Variants in UPK1A observed in about 807,000 individuals in gnomAD.
UPK1A encodes the protein uroplakin 1A.
A neutral mutation model predicts 32.3 loss-of-function variants in UPK1A; 31 were observed. That is an observed-to-expected ratio of 0.96 (90% CI 0.72 to 1.30). UPK1A has a LOEUF of 1.30. Ranked by LOEUF, UPK1A falls within the 50% of genes most tolerant of loss-of-function variation. UPK1A has a pLI of 0.00. For missense variants in UPK1A, 340 were observed against 357.4 expected (o/e 0.95, Z 0.39); for synonymous variants, 135 against 137.1 (o/e 0.98, Z 0.11).
At chr19:35,677,252 G>C (rs180882347) in intron 6 of UPK1A, among the ~76,000 whole-genome samples, 9 of 151,352 alleles carry the variant, frequency 5.9e-5, no homozygotes, top group Admixed American at 2.6e-4. Flanking sequence ...GGCCGGGCGC[G>C]CACAGTGGCT....
rs1305308682 is a variant in UPK1A at position 35,668,527 on chromosome 19, G to A, written c.158G>A (p.Gly53Glu). ...CAGTACCGTGTATACCCACTGATGG[G>A]AGTCTCAGGCAAGGATGACGTCTTC... The change falls in exon 3 of 8, where the codon GGA becomes GAA. Residue 53 changes from glycine (G) to glutamate (E), a missense_variant. Transcript: ENST00000617999. 9.3e-6 allele frequency: 15 copies of A among 1,614,056 alleles called. No homozygotes were observed. The highest frequency in any genetic ancestry group is 1.7e-5 in the Admixed American group (1 of 59,976).
At chr19:35,677,312 G>A (rs4633853) in intron 6 of UPK1A, among the ~76,000 whole-genome samples, 12,334 of 151,520 alleles carry the variant, frequency 0.081, 579 homozygotes, top group South Asian at 0.19. Context: ...AGGATCACAA[G>A]ATCAGGAGTT....
chr19:35,673,657 C>T (rs1968138105), intron 5 of UPK1A, 112 bp downstream of exon 5: 7 of 881,964 alleles, frequency 7.9e-6, no homozygotes, highest in Non-Finnish European at 1.2e-5. Flanking sequence ...GACATCCGCT[C>T]ATGAGATCTC....
chr19:35,668,841 A>AT (rs1427169938), intron 3 of UPK1A, among the ~76,000 whole-genome samples, 187 bp downstream of exon 3: 3 of 138,860 alleles, frequency 2.2e-5, no homozygotes, highest in South Asian at 2.5e-4. Context: ...CAGAGCTGGG[A>AT]TTTTTTCTTT....
intron 5 of UPK1A, among the ~76,000 whole-genome samples, chr19:35,674,375 T>G (rs1303873380): frequency 6.7e-6 from 1 of 149,456 alleles, no homozygotes; most frequent in African/African-American, 2.5e-5. Context: ...GCCTCCCGAA[T>G]AGCTGGGACT....
chr19:35,667,184 A>G (rs143562593), intron 2 of UPK1A, among the ~76,000 whole-genome samples: 89 of 152,296 alleles, frequency 5.8e-4, no homozygotes, highest in African/African-American at 2.0e-3. Flanking sequence ...AAAGTGCCCG[A>G]CCAATGCTGG....
In UPK1A at chr19:35,677,956, CT is replaced by C. The variant is rs764191383; in HGVS notation, c.733-18del. On this transcript the variant is annotated intron_variant, in intron 7 of 7. Transcript: ENST00000617999. ...GGGGTGGGGGGCGGAGTGCCCTCATCTCGCTGCCTCCTCGCCAGCTCCCGGT... is the reference window on the plus strand; with the variant it reads ...GGGGTGGGGGGCGGAGTGCCCTCATCCGCTGCCTCCTCGCCAGCTCCCGGT... 6.3e-6 allele frequency: 10 copies of C among 1,591,482 alleles called. No homozygotes were observed. The highest frequency in any genetic ancestry group is 7.7e-6 in the Non-Finnish European group (9 of 1,170,094).
intron 5 of UPK1A, among the ~76,000 whole-genome samples, chr19:35,673,897 T>G (rs751486097): frequency 9.9e-5 from 15 of 152,160 alleles, no homozygotes; most frequent in Non-Finnish European, 1.8e-4. Context: ...GGTTTCACAC[T>G]GTTCAAAGGA....
intron 6 of UPK1A, among the ~76,000 whole-genome samples, chr19:35,676,625 G>A (rs371051121): frequency 3.3e-5 from 5 of 151,882 alleles, no homozygotes; most frequent in African/African-American, 4.8e-5. Flanking sequence ...AGGGCCGGGC[G>A]CGATGGCTCA....
chr19:35,673,613 A>G (rs761965203), intron 5 of UPK1A, 68 bp downstream of exon 5: 19 of 1,416,456 alleles, frequency 1.3e-5, no homozygotes, highest in African/African-American at 2.8e-5. Context: ...AGAGCTCCCG[A>G]TGTGCCAGCT....
chr19:35,669,336 C>G (rs556620145), intron 3 of UPK1A, among the ~76,000 whole-genome samples: 2 of 152,140 alleles, frequency 1.3e-5, no homozygotes, highest in African/African-American at 4.8e-5. Context: ...CCAAGTGTCT[C>G]TCATGCACCT....
At chr19:35,674,622 A>C (rs1968155002) in intron 5 of UPK1A, among the ~76,000 whole-genome samples, 1 of 152,138 alleles carries the variant, frequency 6.6e-6, no homozygotes, top group Non-Finnish European at 1.5e-5. Flanking sequence ...GACCAAAGCA[A>C]GAGGTTGAAT....
chr19:35,666,832 C>T (rs373513519), exon 2 of UPK1A: 19 of 1,614,000 alleles, frequency 1.2e-5, no homozygotes, highest in African/African-American at 6.7e-5. Context: ...GCGGCAGCAG[C>T]GGAGGCCGAG....
intron 6 of UPK1A, 73 bp from the exon 7 acceptor site, chr19:35,677,739 C>T (rs545043230): frequency 1.2e-5 from 19 of 1,568,982 alleles, no homozygotes; most frequent in East Asian, 4.5e-5. Context: ...TTCCCAAGGG[C>T]GCACAGTGAC....
chr19:35,669,883 C>A (rs533511913), intron 3 of UPK1A, among the ~76,000 whole-genome samples: 1 of 152,228 alleles, frequency 6.6e-6, no homozygotes, highest in Admixed American at 6.6e-5. Flanking sequence ...TTCAGATTCC[C>A]AGAAGCAGCC....
intron 6 of UPK1A, 157 bp downstream of exon 6, chr19:35,676,176 T>TTTCC: frequency 2.8e-6 from 2 of 718,074 alleles, no homozygotes; most frequent in Non-Finnish European, 4.2e-6. Flanking sequence ...TTTCTTTTTC[T>TTTCC]TTCTTTCTTT....
In UPK1A at chr19:35,673,048, T is replaced by C. The variant is rs148533260; in HGVS notation, c.286-184T>C. Reference sequence around the variant, plus strand: ...AAATAAATTAATTAAATTAAATATTTCAAAATACAGAAAAGTTGGAAGACA... The same window carrying C: ...AAATAAATTAATTAAATTAAATATTCCAAAATACAGAAAAGTTGGAAGACA... On this transcript the variant is annotated intron_variant, in intron 3 of 7. Coordinates refer to ENST00000617999, the Ensembl canonical transcript of UPK1A. 6.5e-3 allele frequency among the ~76,000 whole-genome samples: 990 copies of C among 152,308 alleles called. 10 individuals carry two copies. The highest frequency in any genetic ancestry group is 0.023 in the African/African-American group (947 of 41,562).
At chr19:35,673,202 C>A in intron 3 of UPK1A, 30 bp from the exon 4 acceptor site, 1 of 1,611,614 alleles carries the variant, frequency 6.2e-7, no homozygotes, top group East Asian at 2.2e-5. Flanking sequence ...GGGCTCTGCC[C>A]GACGGGCCGT....
At chr19:35,670,351 C>T (rs1968067271) in intron 3 of UPK1A, among the ~76,000 whole-genome samples, 1 of 151,402 alleles carries the variant, frequency 6.6e-6, no homozygotes, top group Admixed American at 6.6e-5. Context: ...AAGATGGACC[C>T]ATAGACCCCC....
Sources: allele counts gnomAD v4.1 joint callset (sites outside exome capture counted in the v4.1 genomes callset), GRCh38; gene constraint gnomAD v4.1.1; transcripts MANE v1.5; gene names NCBI Gene and HGNC (gene_info 2026-07-23, HGNC 2026-07-21).